Variants in DNAL4 observed in about 807,000 individuals in gnomAD.
DNAL4 encodes the protein dynein light chain, outer arm 4.
Under a neutral mutation model 12.6 loss-of-function variants are expected in DNAL4, and 10 were observed. The ratio of observed to expected loss-of-function variants is 0.79; its 90% CI spans 0.49 to 1.34. The LOEUF (loss-of-function observed/expected upper bound fraction) is 1.34, where lower values mean the gene tolerates loss of function less well. Among genes scored for constraint, DNAL4 ranks in the 40% most tolerant of loss-of-function variants. DNAL4 has a pLI of 0.00. For missense variants in DNAL4, 128 were observed against 138.1 expected, an observed-to-expected ratio of 0.93 and a Z score of 0.37; for synonymous variants, 46 against 53.1, an observed-to-expected ratio of 0.87 and a Z score of 0.58.
At position 38,779,666 on chromosome 22, in the gene DNAL4, G is replaced by A. The variant is rs1427436580; in HGVS notation, c.154-53C>T. The A allele has an allele frequency of 1.9e-6, 3 of 1,543,688 alleles. No individual in the cohort carries two copies. The highest frequency in any genetic ancestry group is 2.6e-6 in the Non-Finnish European group (3 of 1,139,368). ...GGGCGCAGGGCAGGTGGGGGCAGGA[G>A]TCAGGTCCTTCTCCAGGAAGGAGAA... On this transcript the variant is annotated intron_variant, in intron 3 of 3. Coordinates refer to ENST00000216068, the MANE Select transcript of DNAL4 (RefSeq NM_005740.3). The surrounding 1 kb of genome is among the most constrained non-coding windows in gnomAD (Gnocchi z 4.3).
chr22:38,790,370 C>A (rs1321620173), intron 1 of DNAL4, among the ~76,000 whole-genome samples: 1 of 152,178 alleles, frequency 6.6e-6, no homozygotes, highest in Non-Finnish European at 1.5e-5. Flanking sequence ...GCTCTGCATG[C>A]AGCAGAATCA....
chr22:38,783,735 G>A (rs1246816732), intron 1 of DNAL4, among the ~76,000 whole-genome samples: 1 of 152,202 alleles, frequency 6.6e-6, no homozygotes, highest in African/African-American at 2.4e-5. Flanking sequence ...CACCAGTAAT[G>A]TGGGTACAGT....
intron 2 of DNAL4, among the ~76,000 whole-genome samples, chr22:38,781,324 G>A (rs965926018): frequency 2.6e-5 from 4 of 152,258 alleles, no homozygotes; most frequent in African/African-American, 9.6e-5. Context: ...GTGTTCCGAC[G>A]GAATCTCACC....
intron 1 of DNAL4, among the ~76,000 whole-genome samples, chr22:38,786,356 C>A (rs990696887): frequency 7.2e-5 from 11 of 152,104 alleles, no homozygotes; most frequent in Admixed American, 7.2e-4. Context: ...GTCAGAAGTT[C>A]GAGACCAGCC....
chr22:38,788,728 G>A (rs542606011), intron 1 of DNAL4, among the ~76,000 whole-genome samples: 2 of 152,178 alleles, frequency 1.3e-5, no homozygotes, highest in Non-Finnish European at 2.9e-5. Flanking sequence ...CTCCCGCCCC[G>A]CTCTCTCCCA....
chr22:38,780,381 A>T (rs1223415049), intron 3 of DNAL4, among the ~76,000 whole-genome samples: 2 of 152,228 alleles, frequency 1.3e-5, no homozygotes, highest in African/African-American at 4.8e-5. Context: ...GGAAGGGCTG[A>T]AGCCAGGATC....
intron 1 of DNAL4, among the ~76,000 whole-genome samples, chr22:38,788,040 T>A (rs1160670170): frequency 6.6e-6 from 1 of 152,194 alleles, no homozygotes. Context: ...ATACTCAGCA[T>A]CCACCCATCC....
rs1040191558 is a variant in DNAL4 at position 38,781,009 on chromosome 22, G to A, written c.70C>T (p.His24Tyr). Residue 24 changes from histidine (H) to tyrosine (Y), a missense_variant and splice_region_variant, in exon 3 of 4, where the codon CAC becomes TAC. By Grantham distance (83) the His-to-Tyr change is moderately conservative (BLOSUM62 2). Transcript: ENST00000216068. ...KRLQTFPLVRHSDMPEEMRVE... is the reference protein window; with the variant it reads ...KRLQTFPLVRYSDMPEEMRVE... ...CGCATCTCCTCTGGCATGTCCGAGTGCTAGAGACAGGGCAGGGGTAACAAA... is the reference window on the plus strand; with the variant it reads ...CGCATCTCCTCTGGCATGTCCGAGTACTAGAGACAGGGCAGGGGTAACAAA... 1.9e-6 allele frequency: 3 copies of A among 1,613,946 alleles called. No individual in the cohort carries two copies. The highest frequency in any genetic ancestry group is 2.5e-6 in the Non-Finnish European group (3 of 1,179,922).
At position 38,793,437 on chromosome 22, in the gene DNAL4, G is replaced by A. The variant is rs545486539; in HGVS notation, c.-140+631C>T. Reference sequence around the variant, plus strand: ...TATGCACTGATTAAAAGCGCAGGGAGGGTAGGTCTTGAGACTGGGAATCCA... The same window carrying A: ...TATGCACTGATTAAAAGCGCAGGGAAGGTAGGTCTTGAGACTGGGAATCCA... On this transcript the variant is annotated intron_variant, in intron 1 of 3. Transcript: ENST00000216068. Among the ~76,000 whole-genome samples the A allele has an allele frequency of 2.6e-5, 4 of 152,302 alleles. No individual in the cohort carries two copies. The East Asian group carries it at 7.7e-4, about 29-fold the overall frequency.
At chr22:38,785,341 A>AG (rs1393863513) in intron 1 of DNAL4, 1 of 152,200 alleles carries the variant, frequency 6.6e-6, no homozygotes, top group Non-Finnish European at 1.5e-5. Context: ...GAGAATTTCA[A>AG]GGGGGAACAA....
chr22:38,781,085 C>T (rs2093033651), intron 2 of DNAL4, 76 bp from the exon 3 acceptor site: 3 of 1,555,926 alleles, frequency 1.9e-6, no homozygotes, highest in South Asian at 2.3e-5. Flanking sequence ...GCCTCTCTGT[C>T]CCAAGCTTAA....
rs958203657 is a variant in DNAL4, at chr22:38,780,157, C to T, written c.154-544G>A. 1.2e-4 allele frequency among the ~76,000 whole-genome samples: 19 copies of T among 152,250 alleles called. No homozygotes were observed. In the South Asian group the frequency reaches 3.9e-3, roughly 32 times the overall value. On this transcript the variant is annotated intron_variant, in intron 3 of 3. Transcript: ENST00000216068. ...GAGGAGGTCTAGAGGGGCAGGGACC[C>T]CCGCTCGGCAGGGCGAGTCCAGGTG... is the stretch of plus-strand genomic sequence containing the variant.
At position 38,789,855 on chromosome 22, in the gene DNAL4, G is replaced by A. The variant is rs115683856; in HGVS notation, c.-140+4213C>T. Among the ~76,000 whole-genome samples the A allele has an allele frequency of 5.5e-3, 832 of 152,332 alleles. 6 individuals are homozygous for A. The highest frequency in any genetic ancestry group is 0.019 in the African/African-American group (795 of 41,574). The stretch of plus-strand genomic sequence containing the variant: ...TGGACGAGGTGAGGAAGACCTTCCA[G>A]GCGGATGAACACAACAGTGCCAAGG... On this transcript the variant is annotated intron_variant, in intron 1 of 3. Coordinates refer to ENST00000216068, the MANE Select transcript of DNAL4 (RefSeq NM_005740.3).
In DNAL4 at chr22:38,786,540, A is replaced by G. The variant is rs142580892; in HGVS notation, c.-139-3670T>C. 6.3e-3 allele frequency among the ~76,000 whole-genome samples: 953 copies of G among 152,322 alleles called. 6 individuals carry two copies. The highest frequency in any genetic ancestry group is 0.024 in the Middle Eastern group (7 of 294). On this transcript the variant is annotated intron_variant, in intron 1 of 3. Transcript: ENST00000216068. ...CACCATTGCACTCCAGCCTGGGCGA[A>G]GAAGTGAGACTCAGTCTCAAAACAA...
intron 1 of DNAL4, among the ~76,000 whole-genome samples, chr22:38,793,221 C>G (rs1302078186): frequency 6.6e-6 from 1 of 152,118 alleles, no homozygotes; most frequent in African/African-American, 2.4e-5. Flanking sequence ...GGAGGAAGAT[C>G]AGAGAGGGTC....
chr22:38,781,102 G>T, intron 2 of DNAL4, 93 bp from the exon 3 acceptor site: 1 of 1,418,334 alleles, frequency 7.1e-7, no homozygotes, highest in Non-Finnish European at 9.8e-7. Context: ...TTAAGGCATG[G>T]ACAGCAGGTA....
In DNAL4 at chr22:38,779,992, G is replaced by A. The variant is rs936859133; in HGVS notation, c.154-379C>T. Among the ~76,000 whole-genome samples, 4 of 152,186 alleles carry A rather than the reference G, an allele frequency of 2.6e-5. No individual in the cohort carries two copies. The highest frequency in any genetic ancestry group is 2.0e-4 in the Admixed American group (3 of 15,286). Reference sequence around the variant, plus strand: ...CACCAGGCAGTCTCAGGACCAACTGGATGGAGAGACCTGGCACCCTGCAGA... The same window carrying A: ...CACCAGGCAGTCTCAGGACCAACTGAATGGAGAGACCTGGCACCCTGCAGA... On this transcript the variant is annotated intron_variant, in intron 3 of 3. Transcript: ENST00000216068. This position sits in a 1 kb window ranked among gnomAD's most constrained non-coding sequence, Gnocchi z 4.3.
chr22:38,793,038 C>T (rs1015568160), intron 1 of DNAL4, among the ~76,000 whole-genome samples: 1 of 152,168 alleles, frequency 6.6e-6, no homozygotes. Flanking sequence ...TTTGACATTA[C>T]GATAGCTATG....
chr22:38,793,765 G>C (rs1406698772), intron 1 of DNAL4, among the ~76,000 whole-genome samples: 2 of 152,170 alleles, frequency 1.3e-5, no homozygotes. Context: ...AGGGATCAAG[G>C]TGCTGGGGGA....
Sources: allele counts gnomAD v4.1 joint callset (sites outside exome capture counted in the v4.1 genomes callset), GRCh38; gene constraint gnomAD v4.1.1; non-coding constraint Gnocchi (gnomAD v3.1); transcripts MANE v1.5; gene names NCBI Gene and HGNC (gene_info 2026-07-23, HGNC 2026-07-21).